The following TDO2 variants were observed in gnomAD, a reference collection of about 807,000 sequenced individuals.
The protein encoded by TDO2 is tryptamin 2,3-dioxygenase.
A neutral mutation model predicts 61.2 loss-of-function variants in TDO2; 63 were observed. That is an observed-to-expected ratio of 1.03 (90% confidence interval 0.84 to 1.27). TDO2 has a LOEUF of 1.27. Ranked by LOEUF, TDO2 falls within the 50% of genes most tolerant of loss-of-function variation. The probability of loss-of-function intolerance (pLI) is 0.00; values close to 1 mark genes in which losing one functional copy is unlikely to be tolerated. For missense variants in TDO2, 494 were observed against 469.5 expected (o/e 1.05, Z -0.48); for synonymous variants, 183 against 164.0 (o/e 1.12, Z -0.89).
intron 11 of TDO2, 136 bp from the exon 12 acceptor site, chr4:155,919,701 A>G: frequency 1.4e-6 from 1 of 693,328 alleles, no homozygotes; most frequent in Non-Finnish European, 2.3e-6. Flanking sequence ...TTAATATATG[A>G]TATATACAAC....
At chr4:155,909,114 T>A (rs1560776081) in intron 5 of TDO2, 100 bp downstream of exon 5, 2 of 1,258,496 alleles carry the variant, frequency 1.6e-6, no homozygotes, top group Non-Finnish European at 2.1e-6. Context: ...GAGGAGCCTG[T>A]CTTACTAACA....
intron 3 of TDO2, chr4:155,906,119 G>C (rs1742714279): frequency 6.6e-6 from 1 of 152,040 alleles, no homozygotes; most frequent in African/African-American, 2.4e-5. Flanking sequence ...TTAGATCTCA[G>C]GACCTCCATT....
At chr4:155,909,852 TCCTCTCCTCTCCTCTGGACTCCTCTCC>T (rs1742785170) in intron 5 of TDO2, among the ~76,000 whole-genome samples, 146 bp from the exon 6 acceptor site, 1 of 109,532 alleles carries the variant, frequency 9.1e-6, no homozygotes, top group Non-Finnish European at 2.0e-5. Context: ...TCCTCTCTTC[TCCTCTCCTCTCCTCTGGACTCCTCTCC>T]CCTCCCCTCC....
chr4:155,920,107 C>A lies in TDO2; in HGVS notation c.*117C>A. The A allele has an allele frequency of 3.3e-6, 3 of 913,438 alleles. No individual in the cohort carries two copies. The highest frequency in any genetic ancestry group is 5.0e-6 in the Non-Finnish European group (3 of 602,088). 56.6% of individuals were successfully genotyped at this position (913,438 alleles called of 1,614,324 possible). A position where few individuals can be genotyped will look rare whatever the true frequency, so the allele number is the denominator to read the frequency against. On this transcript the variant is annotated 3_prime_UTR_variant, in exon 12 of 12. Transcript: ENST00000536354. Reference sequence around the variant, plus strand: ...GCATATATTGTTCAGCACCACGATGCTCTGATTTAATTCTAGAAACAATTT... The same window carrying A: ...GCATATATTGTTCAGCACCACGATGATCTGATTTAATTCTAGAAACAATTT...
At chr4:155,912,516 T>C (rs1742853512) in intron 7 of TDO2, among the ~76,000 whole-genome samples, 1 of 152,142 alleles carries the variant, frequency 6.6e-6, no homozygotes, top group African/African-American at 2.4e-5. Flanking sequence ...TTCTTGAACA[T>C]TCTTTTCTCT....
intron 7 of TDO2, among the ~76,000 whole-genome samples, chr4:155,912,867 A>G (rs752386998): frequency 6.6e-6 from 1 of 152,088 alleles, no homozygotes; most frequent in Non-Finnish European, 1.5e-5. Flanking sequence ...TTCCCCTTCC[A>G]TCCACTCTTG....
intron 7 of TDO2, among the ~76,000 whole-genome samples, chr4:155,913,058 C>G (rs1012500165): frequency 6.6e-6 from 1 of 152,040 alleles, no homozygotes; most frequent in African/African-American, 2.4e-5. Flanking sequence ...TTTAATCTAC[C>G]ACTACCACTC....
chr4:155,914,343 A>C lies in TDO2; in HGVS notation c.747A>C (p.Glu249Asp). The C allele has an allele frequency of 6.2e-7, 1 of 1,608,424 alleles. No individual in the cohort carries two copies. The highest frequency in any genetic ancestry group is 2.2e-5 in the East Asian group (1 of 44,594). Reference protein sequence around the residue: ...IRIQAKEESEEKEEQVAEFQK... With the variant: ...IRIQAKEESEDKEEQVAEFQK... The stretch of plus-strand genomic sequence containing the variant: ...TAAAGGCTAAAGAAGAGTCTGAAGA[A>C]AAAGAGGAACAGGTGGCTGAATTTC... Residue 249 changes from glutamate (E) to aspartate (D), a missense_variant, in exon 8 of 12, where the codon GAA becomes GAC. Physicochemically the swap from Glu to Asp is conservative, Grantham distance 45 (BLOSUM62 2). Coordinates refer to ENST00000536354, the MANE Select transcript of TDO2 (RefSeq NM_005651.4).
At chr4:155,914,537 G>A in intron 8 of TDO2, 103 bp downstream of exon 8, 1 of 774,648 alleles carries the variant, frequency 1.3e-6, no homozygotes, top group South Asian at 2.9e-5. Context: ...GAAATAGAAT[G>A]AAAATTGATA....
chr4:155,903,921 A>G, intron 1 of TDO2, 97 bp from the exon 2 acceptor site: 1 of 1,499,638 alleles, frequency 6.7e-7, no homozygotes, highest in South Asian at 1.2e-5. Context: ...AATCTACTCT[A>G]AAGAAAATTT....
chr4:155,909,289 C>A (rs1453143891), intron 5 of TDO2, among the ~76,000 whole-genome samples: 1 of 152,034 alleles, frequency 6.6e-6, no homozygotes, highest in African/African-American at 2.4e-5. Context: ...GACAACTTAG[C>A]ACATTGACTA....
At position 155,905,243 on chromosome 4, in the gene TDO2, G is replaced by A. The variant is rs937675878; in HGVS notation, c.232+86G>A. ...AGCTACAATTTTTAAACTACAAAAT[G>A]ATGAAAGATCATGGAATCACCTCTG... is the stretch of plus-strand genomic sequence containing the variant. On this transcript the variant is annotated intron_variant, in intron 3 of 11. Transcript: ENST00000536354. 8.1e-5 allele frequency: 81 copies of A among 1,005,756 alleles called. No homozygotes were observed. The African/African-American group carries it at 1.2e-3, about 15-fold the overall frequency. The allele number at this position is 1,005,756 out of a possible 1,614,324, so 62.3% of individuals were successfully genotyped here.
At chr4:155,919,804 C>A in intron 11 of TDO2, 33 bp from the exon 12 acceptor site, 1 of 1,549,554 alleles carries the variant, frequency 6.5e-7, no homozygotes, top group Non-Finnish European at 8.7e-7. Flanking sequence ...TCATGTCAAC[C>A]AATGTAACAC....
chr4:155,911,535 A>G lies in TDO2; in HGVS notation c.657A>G (p.Gly219=). Residue 219 remains glycine, a synonymous_variant, in exon 7 of 12, where the codon GGA becomes GGG. Transcript: ENST00000536354. ...GAACTCCAGGTTTAGAGCCACATGGATTTAACTTCTGGGGAAAGCTTGAAA... is the reference window on the plus strand; with the variant it reads ...GAACTCCAGGTTTAGAGCCACATGGGTTTAACTTCTGGGGAAAGCTTGAAA... ...LERTPGLEPH[G]FNFWGKLEKN... 1 of 1,605,168 alleles carries G rather than the reference A, an allele frequency of 6.2e-7. No homozygotes were observed. The highest frequency in any genetic ancestry group is 1.1e-5 in the South Asian group (1 of 89,988).
At chr4:155,906,093 ACT>A (rs376712364) in intron 3 of TDO2, 8 of 152,150 alleles carry the variant, frequency 5.3e-5, no homozygotes, top group African/African-American at 1.9e-4. Flanking sequence ...AAATTGTGTG[ACT>A]CTGGTCAAGT....
At chr4:155,907,046 A>C (rs967193749) in intron 3 of TDO2, 3 of 152,228 alleles carry the variant, frequency 2.0e-5, no homozygotes, top group African/African-American at 7.2e-5. Flanking sequence ...GGCAGTATTC[A>C]GGTTTGAACA....
chr4:155,905,074 A>T lies in TDO2; in HGVS notation c.149A>T (p.Lys50Ile). The change falls in exon 3 of 12, where the codon AAA (lysine) becomes ATA (isoleucine). Residue 50 changes from lysine to isoleucine, a missense_variant. By Grantham distance (102) the Lys-to-Ile change is moderately radical. Coordinates refer to ENST00000536354, the MANE Select transcript of TDO2 (RefSeq NM_005651.4). Reference protein sequence around the residue: ...LIYGNYLHLEKVLNAQELQSE... With the variant: ...LIYGNYLHLEIVLNAQELQSE... ...TTTATTTTTCATTTCAAGTTGGAAAAAGTTTTGAATGCACAAGAACTGCAA... is the reference window on the plus strand; with the variant it reads ...TTTATTTTTCATTTCAAGTTGGAAATAGTTTTGAATGCACAAGAACTGCAA... 1 of 1,582,340 alleles carries T rather than the reference A, an allele frequency of 6.3e-7. No individual in the cohort carries two copies.
In TDO2 at chr4:155,910,212, G is replaced by A. The variant is rs1742805766; in HGVS notation, c.618+1G>A. The A allele has an allele frequency of 2.6e-6, 4 of 1,559,530 alleles. No homozygotes were observed. The highest frequency in any genetic ancestry group is 5.0e-5 in the East Asian group (2 of 39,642). ...AAAGACACTTCTGGAATTAGTGGAGGTATGGATTCATACAATTTATAAAGT... is the reference window on the plus strand; with the variant it reads ...AAAGACACTTCTGGAATTAGTGGAGATATGGATTCATACAATTTATAAAGT... On this transcript the variant is annotated splice_donor_variant, in intron 6 of 11. Coordinates refer to ENST00000536354, the MANE Select transcript of TDO2 (RefSeq NM_005651.4). LOFTEE classifies it high-confidence loss of function.
intron 1 of TDO2, 95 bp downstream of exon 1, chr4:155,903,888 T>C: frequency 6.5e-7 from 1 of 1,534,464 alleles, no homozygotes; most frequent in Non-Finnish European, 9.0e-7. Context: ...TTGAAAACTG[T>C]CACCTTTATT....
Sources: gnomAD v4.1 joint callset for allele counts (sites outside exome capture counted in the v4.1 genomes callset) on GRCh38, gnomAD v4.1.1 for gene constraint, MANE v1.5 for transcripts, NCBI Gene and HGNC (gene_info 2026-07-23, HGNC 2026-07-21) for gene names.